The following DCLK2 variants were observed in gnomAD, a reference collection of about 807,000 sequenced individuals.
The protein encoded by DCLK2 is doublecortin like kinase 2, also known as serine/threonine-protein kinase DCLK2.
DCLK2 carries 31 observed loss-of-function variants against 78.4 expected under a neutral mutation model. The ratio of observed to expected loss-of-function variants is 0.40; its 90% CI spans 0.30 to 0.53. DCLK2 has a LOEUF of 0.53. Among genes scored for constraint, DCLK2 ranks in the 20% least tolerant of loss-of-function variants. DCLK2 has a pLI of 0.61. For missense variants in DCLK2, 872 were observed against 973.7 expected (o/e 0.90, Z 1.39); for synonymous variants, 407 against 374.9 (o/e 1.09, Z -0.99).
At chr4:150,239,249 C>G (rs1357152621) in intron 10 of DCLK2, among the ~76,000 whole-genome samples, 1 of 152,048 alleles carries the variant, frequency 6.6e-6, no homozygotes, top group Non-Finnish European at 1.5e-5. Flanking sequence ...TGCAAAATCT[C>G]TGAAGAGAAA....
At chr4:150,101,045 G>A (rs1730856920) in intron 1 of DCLK2, among the ~76,000 whole-genome samples, 3 of 152,266 alleles carry the variant, frequency 2.0e-5, no homozygotes, top group African/African-American at 4.8e-5. Context: ...TTGAACACAG[G>A]AGTTCAAGAC....
At chr4:150,092,266 G>A (rs916562323) in intron 1 of DCLK2, among the ~76,000 whole-genome samples, 1 of 152,140 alleles carries the variant, frequency 6.6e-6, no homozygotes, top group Admixed American at 6.5e-5. Context: ...GGTGTAATGA[G>A]CATCAGAGTG....
At position 150,134,489 on chromosome 4, in the gene DCLK2, G is replaced by C. The variant is rs562879216; in HGVS notation, c.756+31677G>C. 3.9e-5 allele frequency among the ~76,000 whole-genome samples: 6 copies of C among 152,244 alleles called. No homozygotes were observed. In the South Asian group the frequency reaches 1.0e-3, roughly 26 times the overall value. On this transcript the variant is annotated intron_variant, in intron 2 of 15. Transcript: ENST00000296550. ...ACAACTTCACCAAAAATAAGGTCTT[G>C]AAGAAAATTTTAGTCATTCATAAGA...
intron 2 of DCLK2, among the ~76,000 whole-genome samples, chr4:150,127,727 T>C (rs754268874): frequency 9.9e-5 from 15 of 152,226 alleles, no homozygotes; most frequent in Non-Finnish European, 1.6e-4. Context: ...TGATTTTGAT[T>C]CTTTGCACAC....
intron 1 of DCLK2, among the ~76,000 whole-genome samples, chr4:150,097,259 T>A (rs1560768781): frequency 6.6e-6 from 1 of 150,438 alleles, no homozygotes; most frequent in Non-Finnish European, 1.5e-5. Flanking sequence ...GCCTTCTGGG[T>A]TCAAGCGATT....
At chr4:150,206,111 A>G (rs534479090) in intron 5 of DCLK2, among the ~76,000 whole-genome samples, 199 of 152,346 alleles carry the variant, frequency 1.3e-3, no homozygotes, top group African/African-American at 3.9e-3. Flanking sequence ...AATTACAACT[A>G]TGGCTTCAGG....
chr4:150,212,099 T>C (rs17587861), intron 5 of DCLK2, among the ~76,000 whole-genome samples: 2,212 of 152,290 alleles, frequency 0.015, 26 homozygotes, highest in Non-Finnish European at 0.024. Context: ...AAATGTTTCG[T>C]GTTTTGATGC....
intron 2 of DCLK2, among the ~76,000 whole-genome samples, chr4:150,166,259 G>A (rs142024829): frequency 0.013 from 2,029 of 152,262 alleles, 46 homozygotes; most frequent in African/African-American, 0.047. Context: ...GGAGGCTGAG[G>A]TGGGAGGATT....
chr4:150,112,656 C>T (rs1731773027), intron 2 of DCLK2, among the ~76,000 whole-genome samples: 1 of 151,340 alleles, frequency 6.6e-6, no homozygotes, highest in Non-Finnish European at 1.5e-5. Context: ...AGGATGCTGG[C>T]TTTTATTGAA....
chr4:150,225,101 C>T lies in DCLK2; in HGVS notation c.1299+543C>T, dbSNP rs569128843. 5.9e-5 allele frequency among the ~76,000 whole-genome samples: 9 copies of T among 152,312 alleles called. No homozygotes were observed. The South Asian group carries it at 1.0e-3, about 18-fold the overall frequency. The stretch of plus-strand genomic sequence containing the variant: ...TGGGGAACTCTGAGCTTAGGAAACC[C>T]TCAGTCTTAGGAGGAGGTGCTAGCA... On this transcript the variant is annotated intron_variant, in intron 8 of 15. Coordinates refer to ENST00000296550, the MANE Select transcript of DCLK2 (RefSeq NM_001040260.4).
At chr4:150,253,065 G>C (rs765078079) in intron 15 of DCLK2, among the ~76,000 whole-genome samples, 11 of 151,692 alleles carry the variant, frequency 7.3e-5, no homozygotes, top group African/African-American at 2.7e-4. Context: ...CGATGCTGCT[G>C]TATTGTCCTC....
At chr4:150,225,631 G>A (rs977575379) in intron 8 of DCLK2, among the ~76,000 whole-genome samples, 3 of 152,124 alleles carry the variant, frequency 2.0e-5, no homozygotes, top group African/African-American at 7.2e-5. Context: ...TGAAGACTTA[G>A]TACTAAAAAA....
intron 2 of DCLK2, among the ~76,000 whole-genome samples, chr4:150,111,294 ATATC>A (rs1731677484): frequency 1.3e-5 from 2 of 152,088 alleles, no homozygotes; most frequent in Admixed American, 6.5e-5. Context: ...TCTTTTAAAA[ATATC>A]TATTTATGTC....
intron 3 of DCLK2, among the ~76,000 whole-genome samples, chr4:150,196,682 C>A (rs1739058890): frequency 6.7e-6 from 1 of 149,368 alleles, no homozygotes; most frequent in Non-Finnish European, 1.5e-5. Context: ...AAAAAAAACT[C>A]AGGCTTACAG....
chr4:150,252,469 C>T (rs1744245929), intron 15 of DCLK2, among the ~76,000 whole-genome samples: 1 of 152,206 alleles, frequency 6.6e-6, no homozygotes, highest in Admixed American at 6.5e-5. Context: ...CACTTTTTGA[C>T]TCAGGGGCCC....
chr4:150,175,060 A>T (rs1736902680), intron 2 of DCLK2, among the ~76,000 whole-genome samples: 1 of 12,750 alleles, frequency 7.8e-5, no homozygotes, highest in African/African-American at 2.0e-4. Flanking sequence ...ATTTATATAT[A>T]TATTTATATA....
At chr4:150,083,542 G>A (rs951698015) in intron 1 of DCLK2, among the ~76,000 whole-genome samples, 7 of 152,124 alleles carry the variant, frequency 4.6e-5, no homozygotes, top group Non-Finnish European at 1.0e-4. Flanking sequence ...ACCAAAATAC[G>A]TTTCTGAGAA....
chr4:150,177,226 G>GT lies in DCLK2; in HGVS notation c.757-15904dup, dbSNP rs562569442. ...CAGTGATTTTAAGACATCTTGCAGGGTTTTTTTTGTTTTCTCTAGAAGCTT... is the reference window on the plus strand; with the variant it reads ...CAGTGATTTTAAGACATCTTGCAGGGTTTTTTTTTGTTTTCTCTAGAAGCTT... On this transcript the variant is annotated intron_variant, in intron 2 of 15. Transcript: ENST00000296550. Among the ~76,000 whole-genome samples, 45 of 151,810 alleles carry GT rather than the reference G, an allele frequency of 3.0e-4. No individual in the cohort carries two copies. In the South Asian group the frequency reaches 4.0e-3, roughly 13 times the overall value.
intron 12 of DCLK2, among the ~76,000 whole-genome samples, chr4:150,247,134 A>G (rs1743378044): frequency 2.0e-5 from 3 of 152,088 alleles, no homozygotes; most frequent in Admixed American, 6.5e-5. Context: ...TTGAGGGCAG[A>G]TACTGATTTT....
Sources: gnomAD v4.1 joint callset for allele counts (sites outside exome capture counted in the v4.1 genomes callset) on GRCh38, gnomAD v4.1.1 for gene constraint, MANE v1.5 for transcripts, NCBI Gene and HGNC (gene_info 2026-07-23, HGNC 2026-07-21) for gene names.